The following TERF2 variants were observed in gnomAD, a reference collection of about 807,000 sequenced individuals.
TERF2 encodes the protein telomeric repeat binding factor 2, also known as telomeric repeat-binding factor 2.
Under a neutral mutation model 56.1 loss-of-function variants are expected in TERF2, and 16 were observed. The ratio of observed to expected loss-of-function variants is 0.29; its 90% CI spans 0.19 to 0.43. The LOEUF (loss-of-function observed/expected upper bound fraction) is 0.43. Among genes scored for constraint, TERF2 ranks in the 20% least tolerant of loss-of-function variants. The pLI is 1.00. For missense variants in TERF2, 547 were observed against 712.9 expected (o/e 0.77, Z 2.65); for synonymous variants, 296 against 282.1 (o/e 1.05, Z -0.50).
chr16:69,372,458 T>C (rs1282498112), intron 3 of TERF2, 103 bp from the exon 4 acceptor site: 1 of 806,092 alleles, frequency 1.2e-6, no homozygotes, highest in Non-Finnish European at 1.9e-6. Context: ...CAAATTTCTG[T>C]ACTTAAAAAC....
intron 9 of TERF2, 99 bp from the exon 10 acceptor site, chr16:69,357,155 A>G (rs958619171): frequency 2.2e-6 from 3 of 1,346,020 alleles, no homozygotes; most frequent in Non-Finnish European, 3.0e-6. Flanking sequence ...ATCCCAGGAG[A>G]ATCATCTGAA....
At position 69,382,542 on chromosome 16, in the gene TERF2, T is replaced by C. The variant is rs78916932; in HGVS notation, c.606+2038A>G. ...TCTAGTCTGTATGACCAAGAGCATA[T>C]GGTGGAAGTGATAATGTGTCACTTC... is the stretch of plus-strand genomic sequence containing the variant. On this transcript the variant is annotated intron_variant, in intron 3 of 9. Coordinates refer to ENST00000254942, the MANE Select transcript of TERF2 (RefSeq NM_005652.5). Among the ~76,000 whole-genome samples, 752 of 152,292 alleles carry C rather than the reference T, an allele frequency of 4.9e-3. 4 individuals are homozygous for C. Among genetic ancestry groups the C allele is most frequent in the African/African-American group, 0.018 (732 of 41,566 alleles).
Position 69,356,766 on chromosome 16 carries a change from CTCCAGCCTGGG to C in TERF2, c.*121_*131del, listed in dbSNP as rs2012918836. On this transcript the variant is annotated 3_prime_UTR_variant, in exon 10 of 10. Coordinates refer to ENST00000254942, the MANE Select transcript of TERF2 (RefSeq NM_005652.5). ...AGTGAGCCGAGATCACGCCACTGCA[CTCCAGCCTGGG>C]TGACAGAGCGAGACTCTGTCTCAAA... 9.4e-7 allele frequency: 1 copy of C among 1,069,054 alleles called. No homozygotes were observed. Among genetic ancestry groups the C allele is most frequent in the African/African-American group, 1.6e-5 (1 of 61,098 alleles). The allele number at this position is 1,069,054 out of a possible 1,614,324, so 66.2% of individuals were successfully genotyped here.
intron 3 of TERF2, among the ~76,000 whole-genome samples, chr16:69,377,065 C>T (rs1268864469): frequency 6.7e-6 from 1 of 149,434 alleles, no homozygotes; most frequent in African/African-American, 2.5e-5. Flanking sequence ...TAGCCAGGTG[C>T]GGTGGCACAT....
intron 3 of TERF2, among the ~76,000 whole-genome samples, chr16:69,380,170 C>T (rs1296961975): frequency 6.6e-6 from 1 of 152,032 alleles, no homozygotes; most frequent in Non-Finnish European, 1.5e-5. Flanking sequence ...GTCTTAGCCT[C>T]CCAAAGTGCT....
At position 69,355,881 on chromosome 16, in the gene TERF2, T is replaced by C. The variant is rs77546524; in HGVS notation, c.*1017A>G. 3.7e-3 allele frequency: 583 copies of C among 157,504 alleles called. 15 individuals are homozygous for C. The East Asian group carries it at 0.074, about 20-fold the overall frequency. 9.8% of individuals were successfully genotyped at this position (157,504 alleles called of 1,614,324 possible). On this transcript the variant is annotated 3_prime_UTR_variant, in exon 10 of 10. Transcript: ENST00000254942. ...TAAAAGTCCAGCATAAGGAAGGGAA[T>C]TGGGAAAAGAGGCAGGGGACAGGGG...
In TERF2 at chr16:69,361,508, G is replaced by C. The variant is rs377181475; in HGVS notation, c.1341-19C>G. 6.4e-7 allele frequency: 1 copy of C among 1,568,730 alleles called. No individual in the cohort carries two copies. The highest frequency in any genetic ancestry group is 8.8e-7 in the Non-Finnish European group (1 of 1,138,782). On this transcript the variant is annotated intron_variant, in intron 7 of 9. Coordinates refer to ENST00000254942, the MANE Select transcript of TERF2 (RefSeq NM_005652.5). ...GGGTACTCTGAGGGGAGATCAAGGA[G>C]AGCACAGGTATAAAACAAATTCACC...
chr16:69,363,048 CCTAA>C (rs1448844264), intron 7 of TERF2, among the ~76,000 whole-genome samples: 2 of 152,134 alleles, frequency 1.3e-5, no homozygotes, highest in Non-Finnish European at 2.9e-5. Context: ...AAATGGTAGA[CCTAA>C]CTTTCTCTTG....
At chr16:69,377,418 C>T (rs1229174874) in intron 3 of TERF2, among the ~76,000 whole-genome samples, 2 of 152,004 alleles carry the variant, frequency 1.3e-5, no homozygotes, top group Non-Finnish European at 2.9e-5. Context: ...ACCTCCACCT[C>T]GCAGGTTCAA....
rs2013514085 is a variant in TERF2 at position 69,370,232 on chromosome 16, T to C, written c.840+251A>G. 6.4e-6 allele frequency: 3 copies of C among 468,460 alleles called. No homozygotes were observed. In the Admixed American group the frequency reaches 1.1e-4, roughly 18 times the overall value. 29.0% of individuals were successfully genotyped at this position (468,460 alleles called of 1,614,324 possible). ...TTTTAGTAGAGATGGGGTTTCACCA[T>C]GTTGCTCAGGCAGGTCTCGAACTCC... On this transcript the variant is annotated intron_variant, in intron 5 of 9. Coordinates refer to ENST00000254942, the MANE Select transcript of TERF2 (RefSeq NM_005652.5).
intron 3 of TERF2, among the ~76,000 whole-genome samples, chr16:69,377,456 T>C (rs529807529): frequency 6.6e-6 from 1 of 152,204 alleles, no homozygotes; most frequent in African/African-American, 2.4e-5. Context: ...ACCTCCCAAG[T>C]AGCTGGGACT....
chr16:69,357,610 A>C (rs1437952477), intron 8 of TERF2, 49 bp from the exon 9 acceptor site: 4 of 1,597,200 alleles, frequency 2.5e-6, no homozygotes, highest in Non-Finnish European at 3.4e-6. Flanking sequence ...CTTTCTCTGC[A>C]CAAACCACAA....
chr16:69,366,142 T>C (rs1402364828), intron 7 of TERF2: 2 of 152,156 alleles, frequency 1.3e-5, no homozygotes, highest in Non-Finnish European at 1.5e-5. Context: ...CAAGCAATGA[T>C]GAAGGGATGA....
In TERF2 at chr16:69,367,091, C is replaced by A; in HGVS notation, c.1056G>T (p.Gln352His). The change falls in exon 7 of 10, where the codon CAG becomes CAT. Residue 352 changes from glutamine to histidine, a missense_variant. Gln to His is a conservative substitution (Grantham distance 24). This residue lies in a region of TERF2 where 211 missense variants were observed against 236.8 expected (regional missense o/e 0.89). Coordinates refer to ENST00000254942, the MANE Select transcript of TERF2 (RefSeq NM_005652.5). ...DSEAAFAKLD[Q>H]KDLVLPTQAL... Reference sequence around the variant, plus strand: ...CTTGAGTAGGAAGAACCAGATCCTTCTGGTCCAGTTTTGCAAAGGCTGCCT... The same window carrying A: ...CTTGAGTAGGAAGAACCAGATCCTTATGGTCCAGTTTTGCAAAGGCTGCCT... 1.1e-5 allele frequency: 17 copies of A among 1,614,230 alleles called. No homozygotes were observed. Among genetic ancestry groups the A allele is most frequent in the Non-Finnish European group, 1.4e-5 (17 of 1,180,042 alleles).
chr16:69,365,330 A>T (rs115990284), intron 7 of TERF2: 1 of 152,358 alleles, frequency 6.6e-6, no homozygotes, highest in African/African-American at 2.4e-5. Context: ...GTGGTGACAT[A>T]GTGCAAATCT....
At chr16:69,377,645 C>T (rs1416055397) in intron 3 of TERF2, among the ~76,000 whole-genome samples, 3 of 152,190 alleles carry the variant, frequency 2.0e-5, no homozygotes, top group Admixed American at 6.5e-5. Context: ...ATATACAGTT[C>T]CTTCACATTT....
At chr16:69,381,207 C>G (rs1016133978) in intron 3 of TERF2, among the ~76,000 whole-genome samples, 4 of 152,206 alleles carry the variant, frequency 2.6e-5, no homozygotes, top group African/African-American at 9.6e-5. Flanking sequence ...TTCCAAAATT[C>G]TGTTTTTCAC....
Position 69,385,852 on chromosome 16 carries a change from C to T in TERF2, c.120G>A (p.Ser40=), listed in dbSNP as rs747103217. 2.0e-5 allele frequency: 27 copies of T among 1,367,554 alleles called. No homozygotes were observed. The South Asian group carries it at 4.1e-4, about 21-fold the overall frequency. The allele number at this position is 1,367,554 out of a possible 1,614,324, so 84.7% of individuals were successfully genotyped here. A position where few individuals can be genotyped will look rare whatever the true frequency, so the allele number is the denominator to read the frequency against. The part of the protein sequence containing the change: ...GREGGEGARR[S]DTMAGGGGSS... Reference sequence around the variant, plus strand: ...TCCCGCCTCCTCCCGCCATCGTGTCCGATCGCCGCGCGCCCTCCCCGCCCT... The same window carrying T: ...TCCCGCCTCCTCCCGCCATCGTGTCTGATCGCCGCGCGCCCTCCCCGCCCT... Residue 40 remains serine, a synonymous_variant, in exon 1 of 10, where the codon TCG becomes TCA. Transcript: ENST00000254942.
Position 69,385,781 on chromosome 16 carries a change from C to T in TERF2, c.191G>A (p.Ser64Asn), listed in dbSNP as rs1410466012. 1 of 1,301,972 alleles carries T rather than the reference C, an allele frequency of 7.7e-7. No individual in the cohort carries two copies. Among genetic ancestry groups the T allele is most frequent in the Non-Finnish European group, 9.7e-7 (1 of 1,026,658 alleles). 80.7% of individuals were successfully genotyped at this position (1,301,972 alleles called of 1,614,324 possible). A position where few individuals can be genotyped will look rare whatever the true frequency, so the allele number is the denominator to read the frequency against. ...GRAAGRRASRSSGRARRGRHE... is the reference protein window; with the variant it reads ...GRAAGRRASRNSGRARRGRHE... ...GCGCCCCCGCCGGGCCCGCCCGCTA[C>T]TGCGGGACGCCCGCCTGCCAGCTGC... is the stretch of plus-strand genomic sequence containing the variant. Residue 64 changes from serine (S) to asparagine (N), a missense_variant, in exon 1 of 10, where the codon AGT (serine) becomes AAT (asparagine). Around this residue, in one of 6 missense-constraint regions of TERF2, gnomAD observed 120 missense variants for 172.4 expected, o/e 0.70. Transcript: ENST00000254942.
Sources: allele counts gnomAD v4.1 joint callset (sites outside exome capture counted in the v4.1 genomes callset), GRCh38; gene constraint gnomAD v4.1.1; regional missense constraint gnomAD v4.1.1; transcripts MANE v1.5; gene names NCBI Gene and HGNC (gene_info 2026-07-23, HGNC 2026-07-21).